Variants in SH3GL3 observed in about 807,000 individuals in gnomAD.
SH3GL3 encodes endophilin-A3.
A neutral mutation model predicts 47.7 loss-of-function variants in SH3GL3; 33 were observed. The ratio of observed to expected loss-of-function variants is 0.69; its 90% confidence interval spans 0.52 to 0.92. SH3GL3 has a LOEUF of 0.92. Among genes scored for constraint, SH3GL3 ranks in the 40% least tolerant of loss-of-function variants. The pLI is 0.00. For missense variants in SH3GL3, 363 were observed against 417.8 expected (o/e 0.87, Z 1.14); for synonymous variants, 155 against 148.8 (o/e 1.04, Z -0.30).
intron 2 of SH3GL3, among the ~76,000 whole-genome samples, chr15:83,562,878 C>A (rs1366424102): frequency 2.6e-5 from 4 of 152,160 alleles, no homozygotes; most frequent in African/African-American, 7.2e-5. Flanking sequence ...GCTGAACATA[C>A]CAAAGAGAGC....
chr15:83,578,106 C>T (rs551211666), intron 6 of SH3GL3, among the ~76,000 whole-genome samples: 2 of 152,282 alleles, frequency 1.3e-5, no homozygotes, highest in South Asian at 4.1e-4. Flanking sequence ...TGGTTCCTGC[C>T]ATTTGCTTTG....
chr15:83,492,435 G>T (rs970133179), intron 1 of SH3GL3, among the ~76,000 whole-genome samples: 1 of 151,920 alleles, frequency 6.6e-6, no homozygotes, highest in African/African-American at 2.4e-5. Context: ...AAAAAAAGAC[G>T]GGGGAAGTGG....
intron 8 of SH3GL3, among the ~76,000 whole-genome samples, chr15:83,593,630 G>A (rs139903132): frequency 1.5e-3 from 234 of 152,130 alleles, no homozygotes; most frequent in African/African-American, 5.6e-3. Flanking sequence ...AGATGTTCAC[G>A]TCATCTATAA....
intron 1 of SH3GL3, among the ~76,000 whole-genome samples, chr15:83,543,382 G>T (rs1488414302): frequency 6.6e-6 from 1 of 152,082 alleles, no homozygotes; most frequent in East Asian, 1.9e-4. Flanking sequence ...CAGTTTGGTA[G>T]TAGTTTGTTG....
chr15:83,574,877 CTGTT>C (rs769421881), intron 5 of SH3GL3, among the ~76,000 whole-genome samples: 262 of 152,306 alleles, frequency 1.7e-3, no homozygotes, highest in Admixed American at 2.9e-3. Context: ...CTTTGGGAAG[CTGTT>C]TGTTCTTTCG....
At chr15:83,627,765 C>A in the SH3GL3 span, among the ~76,000 whole-genome samples, 1 of 152,160 alleles carries the variant, frequency 6.6e-6, no homozygotes, top group African/African-American at 2.4e-5. Flanking sequence ...GTGCCTTAGG[C>A]AATATTGGGC....
chr15:83,485,840 A>C (rs1415666930), intron 1 of SH3GL3, among the ~76,000 whole-genome samples: 1 of 152,062 alleles, frequency 6.6e-6, no homozygotes, highest in Non-Finnish European at 1.5e-5. Flanking sequence ...TTGTTTTTTT[A>C]AATTTCTATT....
In SH3GL3 at chr15:83,588,725, T is replaced by C. The variant is rs1161999671; in HGVS notation, c.792T>C (p.Ser264=). 21 of 1,612,828 alleles carry C rather than the reference T, an allele frequency of 1.3e-5. No homozygotes were observed. The highest frequency in any genetic ancestry group is 1.7e-5 in the Non-Finnish European group (20 of 1,178,772). The change falls in exon 8 of 9, where the codon TCT becomes TCC. Residue 264 remains serine (S), a synonymous_variant. Coordinates refer to ENST00000427482, the MANE Select transcript of SH3GL3 (RefSeq NM_003027.5). ...EYKPRPVKRS[S]SELNGVSTTS... Reference sequence around the variant, plus strand: ...AGCCAAGGCCTGTGAAAAGGAGTTCTAGTGAGCTCAATGGAGTTTCCACCA... The same window carrying C: ...AGCCAAGGCCTGTGAAAAGGAGTTCCAGTGAGCTCAATGGAGTTTCCACCA...
chr15:83,492,061 G>C (rs2041895903), intron 1 of SH3GL3, among the ~76,000 whole-genome samples: 1 of 152,142 alleles, frequency 6.6e-6, no homozygotes, highest in Non-Finnish European at 1.5e-5. Flanking sequence ...TAGGCCGGCA[G>C]ATCACGAGGT....
intron 4 of SH3GL3, among the ~76,000 whole-genome samples, chr15:83,569,619 G>A (rs1217778533): frequency 6.6e-6 from 1 of 152,156 alleles, no homozygotes; most frequent in Admixed American, 6.5e-5. Context: ...ATTTGACACT[G>A]TTGCCAGGAG....
intron 1 of SH3GL3, among the ~76,000 whole-genome samples, chr15:83,494,963 C>T (rs763859938): frequency 2.6e-5 from 4 of 152,094 alleles, no homozygotes; most frequent in Non-Finnish European, 5.9e-5. Flanking sequence ...AGGCTCTGTG[C>T]ACCTCCTCCC....
In SH3GL3 at chr15:83,587,040, C is replaced by G. The variant is rs1021145699; in HGVS notation, c.682C>G (p.Gln228Glu). 8.7e-6 allele frequency: 14 copies of G among 1,611,160 alleles called. No homozygotes were observed. The highest frequency in any genetic ancestry group is 1.1e-5 in the Non-Finnish European group (13 of 1,178,460). ...FIEAALDYHR[Q>E]STEILQELQS... ...AGAGGCAGCATTAGACTATCACAGA[C>G]AGTCCACAGAGATTCTGCAGGAGCT... The change falls in exon 7 of 9, where the codon CAG becomes GAG. Residue 228 changes from glutamine to glutamate, a missense_variant. By Grantham distance (29) the Gln-to-Glu change is conservative (BLOSUM62 2). Coordinates refer to ENST00000427482, the MANE Select transcript of SH3GL3 (RefSeq NM_003027.5).
intron 1 of SH3GL3, among the ~76,000 whole-genome samples, chr15:83,498,165 C>T (rs146914106): frequency 6.6e-6 from 1 of 152,306 alleles, no homozygotes; most frequent in Non-Finnish European, 1.5e-5. Flanking sequence ...CCCCCACACA[C>T]CTCAAATTAG....
rs56016136 is a variant in SH3GL3 at position 83,554,194 on chromosome 15, AT to A, written c.46-5049del. 6.7e-5 allele frequency among the ~76,000 whole-genome samples: 10 copies of A among 148,204 alleles called. No individual in the cohort carries two copies. In the South Asian group the frequency reaches 1.5e-3, roughly 22 times the overall value. ...AGGCACGTGCCACCACATCCAGCTG[AT>A]TTTTTTTTTGAGACGGAATTTCACT... is the stretch of plus-strand genomic sequence containing the variant. On this transcript the variant is annotated intron_variant, in intron 1 of 8. Coordinates refer to ENST00000427482, the MANE Select transcript of SH3GL3 (RefSeq NM_003027.5).
chr15:83,499,922 CT>C (rs1489664932), intron 1 of SH3GL3, among the ~76,000 whole-genome samples: 1 of 152,162 alleles, frequency 6.6e-6, no homozygotes, highest in Admixed American at 6.5e-5. Context: ...TCGCAACTCC[CT>C]GATATTTAAA....
At chr15:83,572,465 C>A in intron 4 of SH3GL3, 100 bp from the exon 5 acceptor site, 3 of 1,009,598 alleles carry the variant, frequency 3.0e-6, no homozygotes, top group Non-Finnish European at 4.4e-6. Context: ...CCTTGCTACA[C>A]CATCATCCAC....
intron 6 of SH3GL3, among the ~76,000 whole-genome samples, chr15:83,579,493 C>A (rs944800176): frequency 6.6e-6 from 1 of 152,176 alleles, no homozygotes; most frequent in African/African-American, 2.4e-5. Context: ...GGGAACTAGG[C>A]TCTTCCCTCC....
chr15:83,611,026 A>ATG (rs1397998501), intron 8 of SH3GL3, among the ~76,000 whole-genome samples: 2 of 150,868 alleles, frequency 1.3e-5, no homozygotes, highest in African/African-American at 2.4e-5. Context: ...GTATAAATGT[A>ATG]TGTGTGTGTG....
intron 5 of SH3GL3, 132 bp from the exon 6 acceptor site, chr15:83,576,451 G>C (rs761491885): frequency 4.8e-4 from 331 of 682,832 alleles, no homozygotes; most frequent in Non-Finnish European, 7.3e-4. Context: ...GCTCCCAACA[G>C]CAGTGTAAGG....
Sources: gnomAD v4.1 joint callset for allele counts (sites outside exome capture counted in the v4.1 genomes callset) on GRCh38, gnomAD v4.1.1 for gene constraint, MANE v1.5 for transcripts, NCBI Gene and HGNC (gene_info 2026-07-23, HGNC 2026-07-21) for gene names.